Variants in MDGA2 observed in about 807,000 individuals in gnomAD.
MDGA2 encodes MAM domain-containing glycosylphosphatidylinositol anchor protein 2.
In MDGA2, 40 loss-of-function variants were observed where a neutral mutation model predicts 117.8. That is an observed-to-expected ratio of 0.34 (90% confidence interval 0.26 to 0.44). The LOEUF (loss-of-function observed/expected upper bound fraction) is 0.44. Among genes scored for constraint, MDGA2 ranks in the 20% least tolerant of loss-of-function variants. The pLI is 1.00. For missense variants in MDGA2, 1,123 were observed against 1,250.6 expected (o/e 0.90, Z 1.54); for synonymous variants, 452 against 439.0 (o/e 1.03, Z -0.37).
At chr14:47,108,366 G>C (rs907505173) in intron 5 of MDGA2, among the ~76,000 whole-genome samples, 1 of 152,186 alleles carries the variant, frequency 6.6e-6, no homozygotes, top group African/African-American at 2.4e-5. Flanking sequence ...TGACTTGCAC[G>C]TATACGCCCA....
chr14:47,134,890 T>C (rs998201788), intron 4 of MDGA2, among the ~76,000 whole-genome samples: 1 of 151,910 alleles, frequency 6.6e-6, no homozygotes, highest in Admixed American at 6.6e-5. Context: ...CACGGAGTGA[T>C]AATGATTCTC....
At chr14:47,476,935 G>A (rs1470774252) in intron 1 of MDGA2, among the ~76,000 whole-genome samples, 1 of 152,196 alleles carries the variant, frequency 6.6e-6, no homozygotes, top group African/African-American at 2.4e-5. Flanking sequence ...GCCGAGGCGG[G>A]TGTATCACCG....
At chr14:47,219,019 A>G (rs1012313159) in intron 2 of MDGA2, among the ~76,000 whole-genome samples, 3 of 152,042 alleles carry the variant, frequency 2.0e-5, no homozygotes, top group Admixed American at 1.3e-4. Flanking sequence ...AAAGCCACAT[A>G]CTCATACTGT....
intron 5 of MDGA2, among the ~76,000 whole-genome samples, chr14:47,114,168 G>T (rs932707193): frequency 5.9e-5 from 9 of 152,102 alleles, no homozygotes; most frequent in Non-Finnish European, 1.5e-5. Flanking sequence ...CTGCTACAAA[G>T]AGAATAAAAT....
intron 2 of MDGA2, among the ~76,000 whole-genome samples, chr14:47,236,300 A>AAC (rs1331013695): frequency 4.0e-5 from 6 of 151,166 alleles, no homozygotes; most frequent in Non-Finnish European, 7.4e-5. Context: ...CAAAAAAAAA[A>AAC]AAAAAAAAAA....
At chr14:46,947,837 T>A (rs56285861) in intron 9 of MDGA2, among the ~76,000 whole-genome samples, 5,665 of 150,900 alleles carry the variant, frequency 0.038, 357 homozygotes, top group African/African-American at 0.13. Context: ...CTTTCTAATT[T>A]AAAAAAAAAA....
chr14:46,872,581 G>C (rs1467671453), intron 14 of MDGA2, among the ~76,000 whole-genome samples: 2 of 151,970 alleles, frequency 1.3e-5, no homozygotes, highest in South Asian at 4.2e-4. Context: ...TTCTGGAATG[G>C]TCTCGAGTAG....
At chr14:47,397,553 G>T (rs1307913116) in intron 1 of MDGA2, among the ~76,000 whole-genome samples, 2 of 151,584 alleles carry the variant, frequency 1.3e-5, no homozygotes, top group African/African-American at 4.8e-5. Flanking sequence ...GAATTATGAG[G>T]GAAGAATTAC....
intron 3 of MDGA2, among the ~76,000 whole-genome samples, chr14:47,208,661 C>T (rs1007404848): frequency 1.3e-5 from 2 of 151,682 alleles, no homozygotes; most frequent in African/African-American, 4.8e-5. Context: ...TGCCAATGTC[C>T]ATTCTCTGGC....
At chr14:47,237,228 C>A (rs1329326391) in intron 2 of MDGA2, among the ~76,000 whole-genome samples, 2 of 152,100 alleles carry the variant, frequency 1.3e-5, no homozygotes, top group African/African-American at 4.8e-5. Flanking sequence ...ATCTAAAACA[C>A]CTTAGTTCCC....
intron 6 of MDGA2, among the ~76,000 whole-genome samples, chr14:47,077,261 T>C (rs1326214702): frequency 1.3e-5 from 2 of 152,086 alleles, no homozygotes; most frequent in South Asian, 4.1e-4. Flanking sequence ...CTTTTCGTTT[T>C]GGTCATTTTC....
intron 14 of MDGA2, among the ~76,000 whole-genome samples, chr14:46,858,659 C>T (rs938733203): frequency 6.6e-6 from 1 of 152,056 alleles, no homozygotes; most frequent in African/African-American, 2.4e-5. Context: ...GATCTCCCGA[C>T]CTCGTGATCC....
intron 1 of MDGA2, among the ~76,000 whole-genome samples, chr14:47,381,792 T>C (rs1891634702): frequency 1.3e-5 from 2 of 152,120 alleles, no homozygotes; most frequent in Non-Finnish European, 2.9e-5. Context: ...CTGCCCAAGG[T>C]AATTTATAGA....
rs185079201 is a variant in MDGA2, at chr14:47,227,708, C to A, written c.421-9513G>T. Among the ~76,000 whole-genome samples the A allele has an allele frequency of 9.2e-5, 14 of 151,986 alleles. No individual in the cohort carries two copies. The East Asian group carries it at 1.9e-3, about 21-fold the overall frequency. The stretch of plus-strand genomic sequence containing the variant: ...ATTGTTTCCTGGCAATATAATTCTG[C>A]TGAGAATACAATTATGAATTAGACA... On this transcript the variant is annotated intron_variant, in intron 2 of 16. Transcript: ENST00000399232.
At chr14:47,298,842 G>C (rs1018129567) in intron 2 of MDGA2, among the ~76,000 whole-genome samples, 7 of 151,790 alleles carry the variant, frequency 4.6e-5, no homozygotes, top group Admixed American at 3.3e-4. Flanking sequence ...CCGCGACCAC[G>C]TCCGGCTAAT....
intron 7 of MDGA2, among the ~76,000 whole-genome samples, chr14:47,046,191 G>C (rs897520175): frequency 1.3e-5 from 2 of 151,798 alleles, no homozygotes; most frequent in Non-Finnish European, 2.9e-5. Context: ...AAGGGGGTAT[G>C]ATAAGATGCA....
chr14:47,596,650 C>T (rs1198104560), intron 1 of MDGA2, among the ~76,000 whole-genome samples: 1 of 152,138 alleles, frequency 6.6e-6, no homozygotes, highest in Non-Finnish European at 1.5e-5. Flanking sequence ...TTCTGTTTTC[C>T]TTCTATCCTC....
At position 46,855,175 on chromosome 14, in the gene MDGA2, T is replaced by G; in HGVS notation, c.2753-21A>C. On this transcript the variant is annotated intron_variant, in intron 14 of 16. Transcript: ENST00000399232. The surrounding 1 kb of genome is among the most constrained non-coding windows in gnomAD (Gnocchi z 4.1). ...GACACCTAAAAATGACAATAAAATTTTATTTTGCATATTCATTTTCACCTC... is the reference window on the plus strand; with the variant it reads ...GACACCTAAAAATGACAATAAAATTGTATTTTGCATATTCATTTTCACCTC... 6.3e-7 allele frequency: 1 copy of G among 1,583,852 alleles called. No individual in the cohort carries two copies. The highest frequency in any genetic ancestry group is 8.6e-7 in the Non-Finnish European group (1 of 1,168,428).
At chr14:47,143,955 A>T in intron 4 of MDGA2, 123 bp downstream of exon 4, 1 of 565,736 alleles carries the variant, frequency 1.8e-6, no homozygotes. Flanking sequence ...AGTCAAGCAC[A>T]CATTGGTTTT....
Sources: allele counts gnomAD v4.1 joint callset (sites outside exome capture counted in the v4.1 genomes callset), GRCh38; gene constraint gnomAD v4.1.1; non-coding constraint Gnocchi (gnomAD v3.1); transcripts MANE v1.5; gene names NCBI Gene and HGNC (gene_info 2026-07-23, HGNC 2026-07-21).